ITGB3: variants seen among roughly 807,000 people sequenced by gnomAD.
ITGB3 encodes integrin subunit beta 3.
In ITGB3, 48 loss-of-function variants were observed where a neutral mutation model predicts 85.8. That is an observed-to-expected ratio of 0.56 (90% CI 0.44 to 0.71). ITGB3 has a LOEUF of 0.71. Among genes scored for constraint, ITGB3 ranks in the 30% least tolerant of loss-of-function variants. ITGB3 has a pLI of 0.00. For synonymous variants in ITGB3, 363 were observed against 395.6 expected (o/e 0.92, Z 0.98); for missense variants, 861 against 1,019.1 (o/e 0.84, Z 2.11).
intron 1 of ITGB3, among the ~76,000 whole-genome samples, chr17:47,273,513 A>G (rs2065052563): frequency 6.6e-6 from 1 of 152,220 alleles, no homozygotes; most frequent in Admixed American, 6.5e-5. Context: ...TGAGCTTCTC[A>G]AGGTGATTTT....
chr17:47,306,306 C>T (rs913621077), intron 13 of ITGB3, among the ~76,000 whole-genome samples: 3 of 152,218 alleles, frequency 2.0e-5, no homozygotes, highest in African/African-American at 4.8e-5. Flanking sequence ...ATAGTCTCTC[C>T]CTCTGTCATC....
At position 47,310,863 on chromosome 17, in the gene ITGB3, C is replaced by T. The variant is rs2065211770; in HGVS notation, c.*659C>T. The T allele has an allele frequency of 6.1e-6, 1 of 163,222 alleles. No homozygotes were observed. Among genetic ancestry groups the T allele is most frequent in the African/African-American group, 2.4e-5 (1 of 41,700 alleles). 10.1% of individuals were successfully genotyped at this position (163,222 alleles called of 1,614,324 possible). A position where few individuals can be genotyped will look rare whatever the true frequency, so the allele number is the denominator to read the frequency against. On this transcript the variant is annotated 3_prime_UTR_variant, in exon 15 of 15. Transcript: ENST00000559488. ...CTCTCGCAAGGGAAGTCCTTGCAAG[C>T]TAATTCTTTGACCTGTTGGGAGTGA...
At chr17:47,264,877 C>T (rs1248314244) in intron 1 of ITGB3, among the ~76,000 whole-genome samples, 2 of 152,072 alleles carry the variant, frequency 1.3e-5, no homozygotes, top group Non-Finnish European at 2.9e-5. Context: ...TTCCTTTATC[C>T]TGCTTTATTT....
chr17:47,264,309 C>T (rs1001154329), intron 1 of ITGB3, among the ~76,000 whole-genome samples: 1 of 152,184 alleles, frequency 6.6e-6, no homozygotes, highest in African/African-American at 2.4e-5. Context: ...CTGGCTCTTT[C>T]AGGTTCACAT....
intron 10 of ITGB3, among the ~76,000 whole-genome samples, chr17:47,294,669 GACAGAT>G (rs1219869654): frequency 5.9e-5 from 9 of 152,206 alleles, no homozygotes. Flanking sequence ...ATCCTCCAGT[GACAGAT>G]ACTCAGGGGC....
chr17:47,260,455 C>T (rs1044203264), intron 1 of ITGB3, among the ~76,000 whole-genome samples: 2 of 152,164 alleles, frequency 1.3e-5, no homozygotes, highest in Non-Finnish European at 2.9e-5. Flanking sequence ...AAAAACTTTG[C>T]ACTAGAAGAG....
intron 10 of ITGB3, among the ~76,000 whole-genome samples, chr17:47,296,185 A>G (rs993625354): frequency 4.6e-5 from 7 of 152,140 alleles, no homozygotes; most frequent in Admixed American, 4.6e-4. Flanking sequence ...TGGCAGCCCA[A>G]CATCTCTACT....
At chr17:47,262,460 T>G (rs930421344) in intron 1 of ITGB3, among the ~76,000 whole-genome samples, 1 of 152,206 alleles carries the variant, frequency 6.6e-6, no homozygotes, top group African/African-American at 2.4e-5. Flanking sequence ...TGGCCACTTG[T>G]GCCTTGTTTG....
At chr17:47,297,992 T>C (rs565017162) in intron 10 of ITGB3, among the ~76,000 whole-genome samples, 1 of 152,104 alleles carries the variant, frequency 6.6e-6, no homozygotes, top group Non-Finnish European at 1.5e-5. Context: ...CATTCTCTTC[T>C]CTAAATGCTT....
chr17:47,272,619 A>C (rs1358096947), intron 1 of ITGB3, among the ~76,000 whole-genome samples: 1 of 152,050 alleles, frequency 6.6e-6, no homozygotes, highest in East Asian at 1.9e-4. Context: ...CATTACATTG[A>C]AAGGACATTT....
chr17:47,312,612 G>A lies in ITGB3; in HGVS notation c.*2408G>A, dbSNP rs942185427. 1.3e-5 allele frequency among the ~76,000 whole-genome samples: 2 copies of A among 152,188 alleles called. No individual in the cohort carries two copies. The highest frequency in any genetic ancestry group is 6.5e-5 in the Admixed American group (1 of 15,282). Reference sequence around the variant, plus strand: ...CTTTAGATAAGATGTTTTATATGAAGAAACTGTATCAAAGGGGGAAGAAAA... The same window carrying A: ...CTTTAGATAAGATGTTTTATATGAAAAAACTGTATCAAAGGGGGAAGAAAA... On this transcript the variant is annotated 3_prime_UTR_variant, in exon 15 of 15. Coordinates refer to ENST00000559488, the MANE Select transcript of ITGB3 (RefSeq NM_000212.3).
intron 10 of ITGB3, among the ~76,000 whole-genome samples, chr17:47,293,850 C>T (rs1401697864): frequency 6.6e-6 from 1 of 152,178 alleles, no homozygotes; most frequent in Non-Finnish European, 1.5e-5. Flanking sequence ...TCGTGATCCT[C>T]CCACCTCGGC....
intron 1 of ITGB3, 54 bp downstream of exon 1, chr17:47,253,994 G>A: frequency 8.5e-7 from 1 of 1,178,928 alleles, no homozygotes. Flanking sequence ...TCTGCGCCCC[G>A]GTCAAGTTGC....
Position 47,293,925 on chromosome 17 carries a change from G to A in ITGB3, c.1690+1357G>A, listed in dbSNP as rs117077960. On this transcript the variant is annotated intron_variant, in intron 10 of 14. Transcript: ENST00000559488. The stretch of plus-strand genomic sequence containing the variant: ...CCAGCCAGCATTGGGGCTCTAATCA[G>A]TTGAGCTAATCCATGCAGATACTCA... 6.8e-4 allele frequency among the ~76,000 whole-genome samples: 104 copies of A among 152,282 alleles called. 2 individuals carry two copies. The East Asian group carries it at 0.016, about 23-fold the overall frequency.
At position 47,307,605 on chromosome 17, in the gene ITGB3, G is replaced by A. The variant is rs768884344; in HGVS notation, c.2269G>A (p.Glu757Lys). 11 of 1,614,216 alleles carry A rather than the reference G, an allele frequency of 6.8e-6. No individual in the cohort carries two copies. Among genetic ancestry groups the A allele is most frequent in the Non-Finnish European group, 9.3e-6 (11 of 1,180,046 alleles). The change falls in exon 14 of 15, where the codon GAG (glutamate) becomes AAG (lysine). Residue 757 changes from glutamate (E) to lysine (K), a missense_variant. Transcript: ENST00000559488. Reference sequence around the variant, plus strand: ...CGACCGAAAAGAATTCGCTAAATTTGAGGAAGAACGCGCCAGAGCAAAATG... The same window carrying A: ...CGACCGAAAAGAATTCGCTAAATTTAAGGAAGAACGCGCCAGAGCAAAATG... Reference protein sequence around the residue: ...IHDRKEFAKFEEERARAKWDT... With the variant: ...IHDRKEFAKFKEERARAKWDT...
At chr17:47,258,796 ACTG>A (rs2064999462) in intron 1 of ITGB3, among the ~76,000 whole-genome samples, 1 of 152,202 alleles carries the variant, frequency 6.6e-6, no homozygotes, top group African/African-American at 2.4e-5. Flanking sequence ...GTCGGTTGCA[ACTG>A]CTGATCTATT....
In ITGB3 at chr17:47,291,623, T is replaced by C. The variant is rs572951621; in HGVS notation, c.1261-516T>C. ...TACGCTGATCCTTTCTATTGACCTA[T>C]CTGTCTCTCAGGCACTTGTGCAAAC... On this transcript the variant is annotated intron_variant, in intron 9 of 14. Transcript: ENST00000559488. The C allele has an allele frequency of 6.1e-5, 17 of 278,748 alleles. No homozygotes were observed. In the South Asian group the frequency reaches 7.6e-4, roughly 12 times the overall value. 17.3% of individuals were successfully genotyped at this position (278,748 alleles called of 1,614,324 possible). A position where few individuals can be genotyped will look rare whatever the true frequency, so the allele number is the denominator to read the frequency against.
In ITGB3 at chr17:47,312,976, T is replaced by A. The variant is rs1329126336; in HGVS notation, c.*2772T>A. Among the ~76,000 whole-genome samples, 1 of 150,472 alleles carries A rather than the reference T, an allele frequency of 6.6e-6. No homozygotes were observed. Among genetic ancestry groups the A allele is most frequent in the Non-Finnish European group, 1.5e-5 (1 of 67,508 alleles). ...TCTGAGATTCCCAGGTCATCCATGATTTTTTTTTTAATTTGAGACAAAGCC... is the reference window on the plus strand; with the variant it reads ...TCTGAGATTCCCAGGTCATCCATGAATTTTTTTTTAATTTGAGACAAAGCC... On this transcript the variant is annotated 3_prime_UTR_variant, in exon 15 of 15. Transcript: ENST00000559488.
rs1217504156 is a variant in ITGB3 at position 47,312,583 on chromosome 17, T to G, written c.*2379T>G. On this transcript the variant is annotated 3_prime_UTR_variant, in exon 15 of 15. Coordinates refer to ENST00000559488, the MANE Select transcript of ITGB3 (RefSeq NM_000212.3). ...AGTCCATGAGAGTGTTAATGGGACA[T>G]TTTCTTTAGATAAGATGTTTTATAT... 1.3e-5 allele frequency among the ~76,000 whole-genome samples: 2 copies of G among 152,218 alleles called. No individual in the cohort carries two copies. Among genetic ancestry groups the G allele is most frequent in the Non-Finnish European group, 2.9e-5 (2 of 68,034 alleles).
Sources: allele counts gnomAD v4.1 joint callset (sites outside exome capture counted in the v4.1 genomes callset), GRCh38; gene constraint gnomAD v4.1.1; transcripts MANE v1.5; gene names NCBI Gene and HGNC (gene_info 2026-07-23, HGNC 2026-07-21).